CDYL2: variants seen among roughly 807,000 people sequenced by gnomAD.
CDYL2 encodes the protein chromodomain Y-like protein 2.
Under a neutral mutation model 49.4 loss-of-function variants are expected in CDYL2, and 23 were observed. That is an observed-to-expected ratio of 0.47 (90% CI 0.34 to 0.66). The LOEUF (loss-of-function observed/expected upper bound fraction) is 0.66, where lower values mean the gene tolerates loss of function less well. Ranked by LOEUF, CDYL2 falls within the 30% of genes least tolerant of loss-of-function variation. The probability of loss-of-function intolerance (pLI) is 0.01; values close to 1 mark genes in which losing one functional copy is unlikely to be tolerated. For missense variants in CDYL2, 678 were observed against 656.4 expected, an observed-to-expected ratio of 1.03 and a Z score of -0.36; for synonymous variants, 360 against 268.8, an observed-to-expected ratio of 1.34 and a Z score of -3.32.
intron 1 of CDYL2, among the ~76,000 whole-genome samples, chr16:80,788,352 G>A (rs1265572010): frequency 1.3e-5 from 2 of 152,182 alleles, no homozygotes; most frequent in African/African-American, 4.8e-5. Flanking sequence ...CAGATTCAAA[G>A]AGATGCTTTC....
chr16:80,604,154 G>A lies in CDYL2; in HGVS notation c.*234C>T, dbSNP rs905489331. On this transcript the variant is annotated 3_prime_UTR_variant, in exon 7 of 7. Transcript: ENST00000570137. ...GGAGCCCTGGGAAGATACAGCCTTG[G>A]ACAGCTCTCTGGCCAGGAAGGGCAG... The A allele has an allele frequency of 3.5e-6, 2 of 568,904 alleles. No homozygotes were observed. Among genetic ancestry groups the A allele is most frequent in the African/African-American group, 3.8e-5 (2 of 53,210 alleles). 35.2% of individuals were successfully genotyped at this position (568,904 alleles called of 1,614,324 possible).
chr16:80,736,744 C>T (rs1165037713), intron 1 of CDYL2, among the ~76,000 whole-genome samples: 2 of 152,186 alleles, frequency 1.3e-5, no homozygotes, highest in East Asian at 3.8e-4. Context: ...GACGTCATCT[C>T]TATTTTTTTA....
chr16:80,706,824 G>A (rs796693472), intron 1 of CDYL2, among the ~76,000 whole-genome samples: 5 of 152,262 alleles, frequency 3.3e-5, no homozygotes, highest in African/African-American at 1.2e-4. Flanking sequence ...TCACGGGAAG[G>A]CAGAAGATAG....
chr16:80,678,047 T>C (rs1387732555), intron 2 of CDYL2, among the ~76,000 whole-genome samples: 6 of 151,952 alleles, frequency 3.9e-5, no homozygotes, highest in Admixed American at 6.6e-5. Context: ...CTGGGAAAAC[T>C]GGCTAGCCAT....
At chr16:80,742,969 G>A (rs1905799139) in intron 1 of CDYL2, among the ~76,000 whole-genome samples, 1 of 133,566 alleles carries the variant, frequency 7.5e-6, no homozygotes, top group African/African-American at 2.8e-5. Context: ...TGAATGGGTG[G>A]ATGAATCGAT....
chr16:80,776,040 T>C (rs1166361301), intron 1 of CDYL2, among the ~76,000 whole-genome samples: 3 of 151,894 alleles, frequency 2.0e-5, no homozygotes, highest in African/African-American at 7.2e-5. Flanking sequence ...TGAAGTTATA[T>C]GCAACAAAAA....
chr16:80,721,621 C>A (rs1469372126), intron 1 of CDYL2, among the ~76,000 whole-genome samples: 1 of 152,206 alleles, frequency 6.6e-6, no homozygotes, highest in East Asian at 1.9e-4. Context: ...AGCACGTGAT[C>A]CACCATATTC....
intron 1 of CDYL2, among the ~76,000 whole-genome samples, chr16:80,722,856 C>T (rs1905045219): frequency 6.6e-6 from 1 of 152,212 alleles, no homozygotes; most frequent in Admixed American, 6.5e-5. Flanking sequence ...CCTAAGCTTC[C>T]AACATACAAA....
intron 2 of CDYL2, among the ~76,000 whole-genome samples, chr16:80,661,249 G>A (rs1480811149): frequency 5.3e-5 from 8 of 152,066 alleles, no homozygotes; most frequent in Admixed American, 2.0e-4. Context: ...TATCCATTCT[G>A]GTTCCTCACT....
At chr16:80,662,299 C>T (rs1484542179) in intron 2 of CDYL2, among the ~76,000 whole-genome samples, 2 of 152,146 alleles carry the variant, frequency 1.3e-5, no homozygotes, top group South Asian at 2.1e-4. Context: ...CCTTGTGTGG[C>T]TTGAGACATC....
intron 1 of CDYL2, among the ~76,000 whole-genome samples, chr16:80,730,910 G>A (rs893505780): frequency 6.6e-6 from 1 of 152,148 alleles, no homozygotes; most frequent in Non-Finnish European, 1.5e-5. Context: ...AAACTAATCT[G>A]CACTGGCAGA....
rs1392656696 is a variant in CDYL2, at chr16:80,719,635, T to C, written c.25-34506A>G. On this transcript the variant is annotated intron_variant, in intron 1 of 6. Coordinates refer to ENST00000570137, the MANE Select transcript of CDYL2 (RefSeq NM_152342.4). Reference sequence around the variant, plus strand: ...TTGAGACAAACAAGTATCTGTACCTTGGGTTGCCCAGGAGAAAACAAGGCC... The same window carrying C: ...TTGAGACAAACAAGTATCTGTACCTCGGGTTGCCCAGGAGAAAACAAGGCC... Among the ~76,000 whole-genome samples, 5 of 152,306 alleles carry C rather than the reference T, an allele frequency of 3.3e-5. No individual in the cohort carries two copies. In the East Asian group the frequency reaches 5.8e-4, roughly 18 times the overall value.
At chr16:80,780,944 T>C (rs1041005303) in intron 1 of CDYL2, among the ~76,000 whole-genome samples, 1 of 152,210 alleles carries the variant, frequency 6.6e-6, no homozygotes, top group African/African-American at 2.4e-5. Flanking sequence ...AATGGCTCAA[T>C]CTCAGTAAGA....
chr16:80,655,744 CA>C (rs1383623005), intron 2 of CDYL2, among the ~76,000 whole-genome samples: 1 of 152,148 alleles, frequency 6.6e-6, no homozygotes, highest in Non-Finnish European at 1.5e-5. Context: ...GTACTGGATT[CA>C]AAATGTGTGC....
intron 2 of CDYL2, chr16:80,679,874 C>G (rs1404572941): frequency 2.3e-6 from 1 of 441,262 alleles, no homozygotes; most frequent in African/African-American, 2.0e-5. Flanking sequence ...GATTCTCAGG[C>G]TCCACACTAC....
intron 2 of CDYL2, among the ~76,000 whole-genome samples, chr16:80,656,880 G>T (rs1353412424): frequency 6.6e-6 from 1 of 152,154 alleles, no homozygotes; most frequent in East Asian, 1.9e-4. Flanking sequence ...AGATGGGAGG[G>T]GGAGCCCAGG....
Position 80,772,610 on chromosome 16 carries a change from G to A in CDYL2, c.24+31540C>T, listed in dbSNP as rs1166024663. Among the ~76,000 whole-genome samples the A allele has an allele frequency of 2.6e-5, 4 of 152,136 alleles. No individual in the cohort carries two copies. In the East Asian group the frequency reaches 7.7e-4, roughly 29 times the overall value. ...TGGGACTACAGGCACGTGCCACCAC[G>A]CCCGGCTAATGTTTGTATTTTTAGT... On this transcript the variant is annotated intron_variant, in intron 1 of 6. Coordinates refer to ENST00000570137, the MANE Select transcript of CDYL2 (RefSeq NM_152342.4).
In CDYL2 at chr16:80,612,746, G is replaced by A. The variant is rs755744128; in HGVS notation, c.1098C>T (p.Pro366=). ...CACTGGCCCACACGATGTCACAGAG[G>A]GGCAGGATGGAGGCACCCAGGCCCA... ...PALGLGASIL[P]LCDIVWASEK... Residue 366 remains proline (P), a synonymous_variant, in exon 5 of 7, where the codon CCC becomes CCT. Coordinates refer to ENST00000570137, the MANE Select transcript of CDYL2 (RefSeq NM_152342.4). The surrounding 1 kb of genome is among the most constrained non-coding windows in gnomAD (Gnocchi z 5.0). 2 of 1,613,644 alleles carry A rather than the reference G, an allele frequency of 1.2e-6. No individual in the cohort carries two copies. The highest frequency in any genetic ancestry group is 1.7e-6 in the Non-Finnish European group (2 of 1,180,016).
At chr16:80,607,364 G>A (rs962494037) in intron 6 of CDYL2, among the ~76,000 whole-genome samples, 3 of 152,166 alleles carry the variant, frequency 2.0e-5, no homozygotes, top group Admixed American at 6.5e-5. Flanking sequence ...GGGAGACAAG[G>A]AAGGGAGGGG....
Sources: allele counts gnomAD v4.1 joint callset (sites outside exome capture counted in the v4.1 genomes callset), GRCh38; gene constraint gnomAD v4.1.1; non-coding constraint Gnocchi (gnomAD v3.1); transcripts MANE v1.5; gene names NCBI Gene and HGNC (gene_info 2026-07-23, HGNC 2026-07-21).